SHROOM2: variants seen among roughly 807,000 people sequenced by gnomAD.
The protein encoded by SHROOM2 is protein Shroom2.
A neutral mutation model predicts 75.9 loss-of-function variants in SHROOM2; 33 were observed. The ratio of observed to expected loss-of-function variants is 0.43; its 90% CI spans 0.33 to 0.58. The LOEUF (loss-of-function observed/expected upper bound fraction) is 0.58. Ranked by LOEUF, SHROOM2 falls within the 20% of genes least tolerant of loss-of-function variation. The pLI is 0.04. For missense variants in SHROOM2, 1,434 were observed against 1,461.2 expected, an observed-to-expected ratio of 0.98 and a Z score of 0.30; for synonymous variants, 655 against 663.6, an observed-to-expected ratio of 0.99 and a Z score of 0.20.
At chrX:9,941,557 G>A (rs747970788) in intron 8 of SHROOM2, among the ~76,000 whole-genome samples, 10 of 112,196 alleles carry the variant, frequency 8.9e-5, no homozygotes, top group African/African-American at 2.6e-4. Context: ...AAAGAAATCT[G>A]GACTCCTTTC....
Position 9,894,970 on chromosome X carries a change from G to A in SHROOM2, c.1062G>A (p.Gln354=). The part of the protein sequence containing the change: ...AAAQHFTALA[Q]AQPRGDRRPE... ...CACAGCACTTTACGGCCCTGGCCCA[G>A]GCTCAGCCTCGTGGTGACCGGAGAC... The change falls in exon 4 of 10, where the codon CAG becomes CAA. Residue 354 remains glutamine (Q), a synonymous_variant. Coordinates refer to ENST00000380913, the MANE Select transcript of SHROOM2 (RefSeq NM_001649.4). 1 of 1,210,728 alleles carries A rather than the reference G, an allele frequency of 8.3e-7. No homozygotes were observed. Among genetic ancestry groups the A allele is most frequent in the Non-Finnish European group, 1.1e-6 (1 of 895,225 alleles).
At chrX:9,792,071 GAAT>G (rs1423248227) in intron 1 of SHROOM2, among the ~76,000 whole-genome samples, 1 of 6,216 alleles carries the variant, frequency 1.6e-4, no homozygotes, top group African/African-American at 4.7e-4. Flanking sequence ...GAATAGAATA[GAAT>G]AGAATAGAAT....
At chrX:9,922,518 T>C (rs900866561) in intron 5 of SHROOM2, among the ~76,000 whole-genome samples, 3 of 109,686 alleles carry the variant, frequency 2.7e-5, no homozygotes, top group African/African-American at 6.8e-5. Flanking sequence ...TGGACCCTAC[T>C]TGTGCGTTCT....
At chrX:9,798,271 T>C (rs968479447) in intron 1 of SHROOM2, among the ~76,000 whole-genome samples, 6 of 111,569 alleles carry the variant, frequency 5.4e-5, no homozygotes, top group Non-Finnish European at 9.4e-5. Context: ...AAGAGATTCT[T>C]TACCTATGGC....
intron 1 of SHROOM2, among the ~76,000 whole-genome samples, chrX:9,864,829 AATAAATAAATAAAT>A: frequency 2.6e-5 from 1 of 37,956 alleles, no homozygotes; most frequent in East Asian, 3.7e-4. Flanking sequence ...CGTCTCAAAA[AATAAATAAATAAAT>A]AAAAATAAAT....
In SHROOM2 at chrX:9,898,088, T is replaced by A. The variant is rs1428446849; in HGVS notation, c.2791-102T>A. 9.2e-6 allele frequency: 6 copies of A among 654,552 alleles called. No homozygotes were observed. In the South Asian group the frequency reaches 1.4e-4, roughly 15 times the overall value. 53.9% of individuals were successfully genotyped at this position (654,552 alleles called of 1,213,427 possible). A position where few individuals can be genotyped will look rare whatever the true frequency, so the allele number is the denominator to read the frequency against. On this transcript the variant is annotated intron_variant, in intron 4 of 9. Coordinates refer to ENST00000380913, the MANE Select transcript of SHROOM2 (RefSeq NM_001649.4). ...ATCTCAATGAAATGCTTTGTAGAAC[T>A]GCCCTGGCAAGGCAAACCCACAAAT...
chrX:9,846,992 C>T (rs1197623032), intron 1 of SHROOM2, among the ~76,000 whole-genome samples: 1 of 112,305 alleles, frequency 8.9e-6, no homozygotes, highest in Non-Finnish European at 1.9e-5. Context: ...AGACAGCCCA[C>T]CTTTTGAAAG....
At chrX:9,827,834 C>T (rs769420369) in intron 1 of SHROOM2, among the ~76,000 whole-genome samples, 1 of 110,763 alleles carries the variant, frequency 9.0e-6, no homozygotes, top group Admixed American at 9.6e-5. Context: ...GGTTGGGCTG[C>T]ATTGTATGGG....
chrX:9,868,413 T>G (rs2084152644), intron 1 of SHROOM2, among the ~76,000 whole-genome samples: 1 of 108,839 alleles, frequency 9.2e-6, no homozygotes, highest in Admixed American at 9.9e-5. Context: ...GCCCAGCCAA[T>G]TTTTGTATTT....
intron 1 of SHROOM2, among the ~76,000 whole-genome samples, chrX:9,863,102 A>G (rs2084113497): frequency 9.0e-6 from 1 of 110,667 alleles, no homozygotes; most frequent in Admixed American, 9.6e-5. Flanking sequence ...CACAGAATGC[A>G]CACTCTTCTT....
intron 2 of SHROOM2, among the ~76,000 whole-genome samples, chrX:9,875,927 C>G (rs760237676): frequency 1.8e-5 from 2 of 112,583 alleles, no homozygotes; most frequent in South Asian, 7.3e-4. Flanking sequence ...AGTCTAAAAT[C>G]TGTTCAAAGG....
intron 5 of SHROOM2, among the ~76,000 whole-genome samples, chrX:9,899,488 C>T (rs1264588865): frequency 8.9e-6 from 1 of 111,817 alleles, no homozygotes; most frequent in Non-Finnish European, 1.9e-5. Context: ...ACTCAAGGTT[C>T]TGTTGCAGAA....
At chrX:9,866,977 C>T (rs12007032) in intron 1 of SHROOM2, among the ~76,000 whole-genome samples, 23,910 of 109,113 alleles carry the variant, frequency 0.22, 2,487 homozygotes, top group African/African-American at 0.39. Flanking sequence ...CCACCCGAGA[C>T]AGAGGGTCAC....
intron 1 of SHROOM2, among the ~76,000 whole-genome samples, chrX:9,859,953 C>T (rs58764320): frequency 0.034 from 3,768 of 111,697 alleles, 149 homozygotes; most frequent in African/African-American, 0.1. Context: ...GAGGTTAAAG[C>T]GTGACTTTAG....
intron 1 of SHROOM2, among the ~76,000 whole-genome samples, chrX:9,857,390 T>TC (rs2084077374): frequency 9.1e-6 from 1 of 109,955 alleles, no homozygotes; most frequent in African/African-American, 3.3e-5. Flanking sequence ...TAAGAATTTT[T>TC]TTTTTTTTCA....
chrX:9,822,852 T>TG (rs755156719), intron 1 of SHROOM2, among the ~76,000 whole-genome samples: 12 of 111,973 alleles, frequency 1.1e-4, no homozygotes, highest in Non-Finnish European at 2.3e-4. Context: ...CGGACCTCCC[T>TG]GGGGCTCTGT....
chrX:9,835,614 A>G (rs2083939813), intron 1 of SHROOM2, among the ~76,000 whole-genome samples: 1 of 112,519 alleles, frequency 8.9e-6, no homozygotes. Context: ...GAGGATTCTG[A>G]TTTTAGAAAA....
chrX:9,883,006 A>G (rs773138934), intron 2 of SHROOM2, among the ~76,000 whole-genome samples: 1 of 112,729 alleles, frequency 8.9e-6, no homozygotes, highest in South Asian at 3.6e-4. Flanking sequence ...ATCTTCCCAC[A>G]GTGCCTTTAG....
At chrX:9,821,205 T>C (rs1216569900) in intron 1 of SHROOM2, among the ~76,000 whole-genome samples, 1 of 112,281 alleles carries the variant, frequency 8.9e-6, no homozygotes, top group Non-Finnish European at 1.9e-5. Flanking sequence ...TACAGAGATG[T>C]GGCCTGTCTG....
Sources: gnomAD v4.1 joint callset for allele counts (sites outside exome capture counted in the v4.1 genomes callset) on GRCh38, gnomAD v4.1.1 for gene constraint, MANE v1.5 for transcripts, NCBI Gene and HGNC (gene_info 2026-07-23, HGNC 2026-07-21) for gene names.